The following TBCA variants were observed in gnomAD, a reference collection of about 807,000 sequenced individuals.
The protein encoded by TBCA is tubulin-specific chaperone A.
Under a neutral mutation model 15.8 loss-of-function variants are expected in TBCA, and 6 were observed. That is an observed-to-expected ratio of 0.38 (90% confidence interval 0.21 to 0.75). TBCA has a LOEUF of 0.75. Among genes scored for constraint, TBCA ranks in the 30% least tolerant of loss-of-function variants. The probability of loss-of-function intolerance (pLI) is 0.46; values close to 1 mark genes in which losing one functional copy is unlikely to be tolerated. For synonymous variants in TBCA, 32 were observed against 42.3 expected (o/e 0.76, Z 0.94); for missense variants, 90 against 131.2 (o/e 0.69, Z 1.53).
chr5:77,714,938 A>C (rs1166664306), intron 1 of TBCA, among the ~76,000 whole-genome samples: 1 of 152,254 alleles, frequency 6.6e-6, no homozygotes, highest in Non-Finnish European at 1.5e-5. Context: ...AATGAACTAC[A>C]AAAATCCCTG....
At chr5:77,705,065 A>G (rs1746117670) in intron 2 of TBCA, among the ~76,000 whole-genome samples, 1 of 152,204 alleles carries the variant, frequency 6.6e-6, no homozygotes, top group South Asian at 2.1e-4. Flanking sequence ...CAATTACAAC[A>G]CAGAATTCAG....
chr5:77,758,760 T>G (rs975427548), intron 1 of TBCA, among the ~76,000 whole-genome samples: 2 of 152,226 alleles, frequency 1.3e-5, no homozygotes, highest in African/African-American at 4.8e-5. Flanking sequence ...GCCTGAGGCA[T>G]TCTTCCTTCT....
intron 1 of TBCA, 24 bp downstream of exon 1, chr5:77,776,181 A>C (rs1409410978): frequency 6.4e-7 from 1 of 1,553,922 alleles, no homozygotes; most frequent in East Asian, 2.4e-5. Context: ...GAGGAGGTGC[A>C]GGGCGCCGCT....
intron 2 of TBCA, among the ~76,000 whole-genome samples, chr5:77,696,514 G>A (rs1469959103): frequency 2.0e-5 from 3 of 152,106 alleles, no homozygotes; most frequent in Non-Finnish European, 4.4e-5. Context: ...TAGTTAAGAG[G>A]CAGAGATTCA....
intron 1 of TBCA, among the ~76,000 whole-genome samples, chr5:77,728,277 A>G (rs180927897): frequency 6.6e-6 from 1 of 152,162 alleles, no homozygotes. Context: ...GCCTCAGAAG[A>G]GCTAAAATAG....
intron 1 of TBCA, among the ~76,000 whole-genome samples, chr5:77,734,421 A>G (rs566520609): frequency 6.6e-6 from 1 of 152,338 alleles, no homozygotes; most frequent in South Asian, 2.1e-4. Context: ...CAAAATATCA[A>G]TATTAGCAAG....
At chr5:77,713,807 G>A (rs1746335354) in intron 1 of TBCA, among the ~76,000 whole-genome samples, 1 of 151,854 alleles carries the variant, frequency 6.6e-6, no homozygotes, top group South Asian at 2.1e-4. Context: ...ATTAAAATGA[G>A]AGAAATGAAA....
chr5:77,723,449 T>A (rs1746566619), intron 1 of TBCA, among the ~76,000 whole-genome samples: 2 of 151,954 alleles, frequency 1.3e-5, no homozygotes, highest in Admixed American at 1.3e-4. Flanking sequence ...TTTAAACATC[T>A]GAAATAGACC....
intron 1 of TBCA, among the ~76,000 whole-genome samples, chr5:77,730,314 G>A (rs528920535): frequency 5.9e-5 from 9 of 152,298 alleles, no homozygotes; most frequent in African/African-American, 2.2e-4. Flanking sequence ...CAGAGATAGA[G>A]ATTGGAGTTA....
At chr5:77,713,141 T>A (rs924850853) in intron 1 of TBCA, among the ~76,000 whole-genome samples, 7 of 151,978 alleles carry the variant, frequency 4.6e-5, no homozygotes, top group Non-Finnish European at 1.0e-4. Context: ...AAAAAATTTT[T>A]AAAAATTAGC....
intron 1 of TBCA, among the ~76,000 whole-genome samples, chr5:77,749,693 C>G (rs1747272448): frequency 6.6e-6 from 1 of 152,128 alleles, no homozygotes; most frequent in Non-Finnish European, 1.5e-5. Flanking sequence ...ACCCTTTAAG[C>G]CGGCAATTGC....
At chr5:77,746,229 G>A (rs750736631) in intron 1 of TBCA, among the ~76,000 whole-genome samples, 1 of 151,764 alleles carries the variant, frequency 6.6e-6, no homozygotes, top group Non-Finnish European at 1.5e-5. Context: ...AGGAGTTCCA[G>A]ACTAGACTGG....
intron 2 of TBCA, among the ~76,000 whole-genome samples, chr5:77,696,098 A>T (rs1334045651): frequency 6.6e-6 from 1 of 152,218 alleles, no homozygotes; most frequent in South Asian, 2.1e-4. Context: ...AATCTGGCCA[A>T]TGTCAATCAA....
chr5:77,718,788 T>C (rs940691204), intron 1 of TBCA, among the ~76,000 whole-genome samples: 1 of 152,142 alleles, frequency 6.6e-6, no homozygotes, highest in Non-Finnish European at 1.5e-5. Context: ...TAAAATGAGA[T>C]GGGGCTGGAG....
intron 2 of TBCA, among the ~76,000 whole-genome samples, chr5:77,696,721 C>T (rs183674494): frequency 1.0e-3 from 153 of 152,202 alleles, no homozygotes; most frequent in African/African-American, 3.4e-3. Context: ...CAGTAGTTTG[C>T]GACCAGCCTG....
rs1580094342 is a variant in TBCA at position 77,703,609 on chromosome 5, C to T, written c.159+4633G>A. Among the ~76,000 whole-genome samples, 5 of 152,238 alleles carry T rather than the reference C, an allele frequency of 3.3e-5. No individual in the cohort carries two copies. The South Asian group carries it at 8.3e-4, about 25-fold the overall frequency. On this transcript the variant is annotated intron_variant, in intron 2 of 3. Transcript: ENST00000380377. ...ATGTATTTTTTGAGACAAGGCCTCACTCTGTCACCCAGGCTGGAGTACAGT... is the reference window on the plus strand; with the variant it reads ...ATGTATTTTTTGAGACAAGGCCTCATTCTGTCACCCAGGCTGGAGTACAGT...
intron 1 of TBCA, among the ~76,000 whole-genome samples, chr5:77,712,222 G>A (rs533771174): frequency 9.8e-4 from 149 of 152,266 alleles, no homozygotes; most frequent in African/African-American, 3.5e-3. Context: ...CATACAACCT[G>A]TAGTGTATGA....
chr5:77,761,459 C>T (rs1378227722), intron 1 of TBCA, among the ~76,000 whole-genome samples: 2 of 151,882 alleles, frequency 1.3e-5, no homozygotes, highest in Non-Finnish European at 2.9e-5. Flanking sequence ...AGAGTCATCA[C>T]CACTCCCTAA....
intron 2 of TBCA, among the ~76,000 whole-genome samples, chr5:77,706,245 A>G (rs1455738010): frequency 6.6e-6 from 1 of 152,232 alleles, no homozygotes; most frequent in Admixed American, 6.5e-5. Context: ...TATAGTCTGT[A>G]CAAGCTGGTT....
Sources: gnomAD v4.1 joint callset for allele counts (sites outside exome capture counted in the v4.1 genomes callset) on GRCh38, gnomAD v4.1.1 for gene constraint, MANE v1.5 for transcripts, NCBI Gene and HGNC (gene_info 2026-07-23, HGNC 2026-07-21) for gene names.